Variants in STXBP5L observed in about 807,000 individuals in gnomAD.
The protein encoded by STXBP5L is syntaxin-binding protein 5-like.
In STXBP5L, 65 loss-of-function variants were observed where a neutral mutation model predicts 144.5. The ratio of observed to expected loss-of-function variants is 0.45; its 90% CI spans 0.37 to 0.55. The LOEUF (loss-of-function observed/expected upper bound fraction) is 0.55. STXBP5L is among the 20% of genes least tolerant of loss of function. STXBP5L has a pLI of 0.00. For missense variants in STXBP5L, 1,298 were observed against 1,405.5 expected (o/e 0.92, Z 1.22); for synonymous variants, 505 against 469.6 (o/e 1.08, Z -0.97).
At chr3:121,079,255 G>A (rs1306655564) in intron 5 of STXBP5L, among the ~76,000 whole-genome samples, 1 of 152,274 alleles carries the variant, frequency 6.6e-6, no homozygotes, top group Non-Finnish European at 1.5e-5. Flanking sequence ...ATGTGAGGCA[G>A]GAAGTGAGTT....
In STXBP5L at chr3:121,310,151, C is replaced by T. The variant is rs949786646; in HGVS notation, c.2111-8324C>T. ...AAAATGAACTTTAATTCCTACTTCACGTCACAACCAATCATTTTTAAAGTT... is the reference window on the plus strand; with the variant it reads ...AAAATGAACTTTAATTCCTACTTCATGTCACAACCAATCATTTTTAAAGTT... On this transcript the variant is annotated intron_variant, in intron 19 of 26. Coordinates refer to ENST00000471454, the MANE Select transcript of STXBP5L (RefSeq NM_001308330.2). Among the ~76,000 whole-genome samples the T allele has an allele frequency of 2.0e-5, 3 of 152,180 alleles. No individual in the cohort carries two copies. In the East Asian group the frequency reaches 5.8e-4, roughly 29 times the overall value.
intron 3 of STXBP5L, among the ~76,000 whole-genome samples, chr3:120,997,921 G>A (rs1246064342): frequency 2.6e-5 from 4 of 152,142 alleles, no homozygotes; most frequent in Non-Finnish European, 4.4e-5. Flanking sequence ...TGCAAGGTTT[G>A]TTCAACATAT....
At chr3:121,232,370 T>C (rs1170959868) in intron 11 of STXBP5L, among the ~76,000 whole-genome samples, 1 of 152,104 alleles carries the variant, frequency 6.6e-6, no homozygotes, top group Non-Finnish European at 1.5e-5. Context: ...GTTGGTCACT[T>C]GTACAGAGAT....
intron 18 of STXBP5L, among the ~76,000 whole-genome samples, chr3:121,268,101 A>G (rs550629092): frequency 6.6e-6 from 1 of 152,216 alleles, no homozygotes; most frequent in Non-Finnish European, 1.5e-5. Flanking sequence ...ATAAAGACAC[A>G]TGCACACATG....
At chr3:121,354,349 A>G (rs1017398580) in intron 20 of STXBP5L, among the ~76,000 whole-genome samples, 1 of 152,116 alleles carries the variant, frequency 6.6e-6, no homozygotes. Flanking sequence ...GACTTGCTTC[A>G]TGAATCTGGG....
chr3:121,171,396 A>G (rs2046711761), intron 9 of STXBP5L, among the ~76,000 whole-genome samples: 1 of 152,208 alleles, frequency 6.6e-6, no homozygotes, highest in African/African-American at 2.4e-5. Context: ...GTATTCAAAT[A>G]GGAAGAGAGG....
chr3:121,095,163 G>A (rs2043049163), intron 5 of STXBP5L, among the ~76,000 whole-genome samples: 1 of 152,174 alleles, frequency 6.6e-6, no homozygotes, highest in Non-Finnish European at 1.5e-5. Flanking sequence ...TCCGCTGTTA[G>A]TCTGACGAGC....
intron 9 of STXBP5L, among the ~76,000 whole-genome samples, chr3:121,165,878 G>A (rs968888798): frequency 4.6e-5 from 7 of 152,034 alleles, no homozygotes; most frequent in Non-Finnish European, 8.8e-5. Flanking sequence ...TCTCATTTTG[G>A]AATACATTGG....
At chr3:121,095,431 T>C (rs1348674000) in intron 5 of STXBP5L, among the ~76,000 whole-genome samples, 1 of 152,180 alleles carries the variant, frequency 6.6e-6, no homozygotes, top group South Asian at 2.1e-4. Context: ...ACCAATCAGA[T>C]GTGGATTTGA....
chr3:121,006,068 C>T (rs914419846), intron 3 of STXBP5L, among the ~76,000 whole-genome samples: 2 of 152,122 alleles, frequency 1.3e-5, no homozygotes, highest in Admixed American at 6.6e-5. Flanking sequence ...TCTGTTAGGT[C>T]TGCTTGGTGC....
intron 19 of STXBP5L, among the ~76,000 whole-genome samples, chr3:121,301,451 A>G (rs1011633418): frequency 2.2e-4 from 33 of 152,186 alleles, no homozygotes; most frequent in Admixed American, 4.6e-4. Context: ...TTGGGCTGAG[A>G]TGATGGGGTT....
chr3:120,966,065 C>T (rs975592166), intron 3 of STXBP5L, among the ~76,000 whole-genome samples: 32 of 152,174 alleles, frequency 2.1e-4, no homozygotes, highest in Middle Eastern at 3.4e-3. Flanking sequence ...TCCACTTGAT[C>T]GAATCAGCTT....
Position 120,984,632 on chromosome 3 carries a change from C to CTTTTTTTTTTTTTTTTTTTTTTTTTTTTT in STXBP5L, c.287+29617_287+29618insTTTTTTTTTTTTTTTTTTTTTTTTTTTTT, listed in dbSNP as rs35656223. On this transcript the variant is annotated intron_variant, in intron 3 of 26. Transcript: ENST00000471454. ...TGGATGCCTTTCATTTCTTTCTTTC[C>CTTTTTTTTTTTTTTTTTTTTTTTTTTTTT]TTTTTTTTTTTTTTTTTTTTTTGCC... is the stretch of plus-strand genomic sequence containing the variant. 2.1e-4 allele frequency among the ~76,000 whole-genome samples: 15 copies of CTTTTTTTTTTTTTTTTTTTTTTTTTTTTT among 71,966 alleles called. 1 individual carries two copies. The highest frequency in any genetic ancestry group is 5.5e-4 in the African/African-American group (9 of 16,286). 47.2% of individuals were successfully genotyped at this position (71,966 alleles called of 152,430 possible).
intron 9 of STXBP5L, among the ~76,000 whole-genome samples, chr3:121,164,443 GATTGGTACAGTC>G (rs1179724574): frequency 2.8e-4 from 43 of 152,282 alleles, no homozygotes; most frequent in African/African-American, 9.6e-4. Flanking sequence ...TGAGAATGTA[GATTGGTACAGTC>G]ATTATGGAAA....
At chr3:120,936,662 G>C (rs1576447129) in intron 2 of STXBP5L, among the ~76,000 whole-genome samples, 1 of 151,686 alleles carries the variant, frequency 6.6e-6, no homozygotes, top group South Asian at 2.1e-4. Flanking sequence ...CAGGCTGGAG[G>C]GCAGTGGCGT....
chr3:121,395,312 A>G (rs1378309755), intron 22 of STXBP5L, among the ~76,000 whole-genome samples: 1 of 152,230 alleles, frequency 6.6e-6, no homozygotes. Flanking sequence ...AGAAGAAATA[A>G]TCTTGGACTG....
chr3:121,191,840 G>T (rs1056282908), intron 9 of STXBP5L, among the ~76,000 whole-genome samples: 7 of 151,386 alleles, frequency 4.6e-5, no homozygotes, highest in African/African-American at 1.7e-4. Flanking sequence ...GCAAATTATT[G>T]CAAGGACAGA....
At chr3:121,196,655 ATT>A (rs1164258790) in intron 9 of STXBP5L, among the ~76,000 whole-genome samples, 3 of 150,028 alleles carry the variant, frequency 2.0e-5, no homozygotes, top group African/African-American at 7.4e-5. Context: ...ATTTGAGGTA[ATT>A]TTGTTTTCTT....
chr3:121,242,161 C>G (rs1312423092), intron 14 of STXBP5L, among the ~76,000 whole-genome samples: 1 of 151,970 alleles, frequency 6.6e-6, no homozygotes, highest in Non-Finnish European at 1.5e-5. Context: ...AGGAAGTTCC[C>G]TACACAGAAA....
Sources: allele counts gnomAD v4.1 joint callset (sites outside exome capture counted in the v4.1 genomes callset), GRCh38; gene constraint gnomAD v4.1.1; transcripts MANE v1.5; gene names NCBI Gene and HGNC (gene_info 2026-07-23, HGNC 2026-07-21).